NEGR1: variants seen among roughly 807,000 people sequenced by gnomAD.
NEGR1 encodes the protein IgLON family member 4.
Under a neutral mutation model 40.9 loss-of-function variants are expected in NEGR1, and 10 were observed. That is an observed-to-expected ratio of 0.24 (90% confidence interval 0.15 to 0.42). NEGR1 has a LOEUF of 0.42. Ranked by LOEUF, NEGR1 falls within the 10% of genes least tolerant of loss-of-function variation. The pLI is 1.00. For missense variants in NEGR1, 352 were observed against 438.9 expected, an observed-to-expected ratio of 0.80 and a Z score of 1.77; for synonymous variants, 185 against 166.8, an observed-to-expected ratio of 1.11 and a Z score of -0.84.
At chr1:71,781,914 C>T (rs750582092) in intron 2 of NEGR1, among the ~76,000 whole-genome samples, 38 of 152,146 alleles carry the variant, frequency 2.5e-4, no homozygotes, top group Admixed American at 5.2e-4. Context: ...CCTCTCCCAA[C>T]GGTGACTTCT....
intron 1 of NEGR1, among the ~76,000 whole-genome samples, chr1:72,026,089 C>G (rs538065831): frequency 9.1e-6 from 1 of 109,960 alleles, no homozygotes; most frequent in African/African-American, 3.6e-5. Flanking sequence ...CCAGCCTGGG[C>G]GACAGAGCGA....
chr1:71,489,765 T>C (rs1646913441), intron 6 of NEGR1: 1 of 151,876 alleles, frequency 6.6e-6, no homozygotes, highest in African/African-American at 2.4e-5. Context: ...GAGTATATCC[T>C]GGAAGTTTCC....
chr1:71,902,385 G>T (rs1661165895), intron 2 of NEGR1, among the ~76,000 whole-genome samples: 1 of 152,102 alleles, frequency 6.6e-6, no homozygotes, highest in South Asian at 2.1e-4. Context: ...CAGAAGTTGA[G>T]GAATTTTGCA....
rs759773075 is a variant in NEGR1, at chr1:71,935,084, A to G, written c.404T>C (p.Val135Ala). ...TPRTMQVHLT[V>A]QVPPKIYDIS... ...GCAGTTCTGAAAATACATACCTTGCACAGTTAGATGCACCTGCATTGTTCT... is the reference window on the plus strand; with the variant it reads ...GCAGTTCTGAAAATACATACCTTGCGCAGTTAGATGCACCTGCATTGTTCT... The change falls in exon 2 of 7, where the codon GTG becomes GCG. Residue 135 changes from valine (V) to alanine (A), a missense_variant. By Grantham distance (64) the Val-to-Ala change is moderately conservative. Coordinates refer to ENST00000357731, the MANE Select transcript of NEGR1 (RefSeq NM_173808.3). The G allele has an allele frequency of 6.3e-7, 1 of 1,590,086 alleles. No individual in the cohort carries two copies.
intron 6 of NEGR1, among the ~76,000 whole-genome samples, chr1:71,409,617 T>A (rs1646302524): frequency 6.6e-6 from 1 of 152,096 alleles, no homozygotes; most frequent in East Asian, 1.9e-4. Context: ...TTATATGTTA[T>A]GTAACTATCA....
intron 6 of NEGR1, among the ~76,000 whole-genome samples, chr1:71,530,880 T>C (rs1647336747): frequency 6.6e-6 from 1 of 151,262 alleles, no homozygotes; most frequent in Admixed American, 6.6e-5. Flanking sequence ...CTGGGTGTCA[T>C]GAGGAGGTGT....
chr1:72,148,802 A>G (rs1651009506), intron 1 of NEGR1, among the ~76,000 whole-genome samples: 1 of 152,184 alleles, frequency 6.6e-6, no homozygotes, highest in African/African-American at 2.4e-5. Context: ...CCTCAGCTCC[A>G]TCTGAGACCA....
At chr1:71,767,194 C>G (rs1656164285) in intron 3 of NEGR1, among the ~76,000 whole-genome samples, 1 of 151,968 alleles carries the variant, frequency 6.6e-6, no homozygotes, top group Non-Finnish European at 1.5e-5. Flanking sequence ...TTGGAGGGCC[C>G]AAAAGAAGAC....
At chr1:71,942,470 TATATATATATATA>T (rs1169384448) in intron 1 of NEGR1, among the ~76,000 whole-genome samples, 8 of 13,512 alleles carry the variant, frequency 5.9e-4, no homozygotes, top group African/African-American at 9.0e-4. Context: ...TATATATATA[TATATATATATATA>T]TTTTTTTTTT....
chr1:71,967,166 G>C (rs1646216537), intron 1 of NEGR1, among the ~76,000 whole-genome samples: 1 of 152,128 alleles, frequency 6.6e-6, no homozygotes, highest in South Asian at 2.1e-4. Flanking sequence ...GCAGAGAACA[G>C]GGGATTATTA....
chr1:71,485,291 A>G (rs1646880790), intron 6 of NEGR1, among the ~76,000 whole-genome samples: 1 of 151,468 alleles, frequency 6.6e-6, no homozygotes, highest in African/African-American at 2.4e-5. Flanking sequence ...TACTTTTTAG[A>G]AAAGCTTTAG....
At chr1:71,848,577 T>C (rs1659497943) in intron 2 of NEGR1, among the ~76,000 whole-genome samples, 1 of 152,116 alleles carries the variant, frequency 6.6e-6, no homozygotes, top group Non-Finnish European at 1.5e-5. Context: ...TACAGTATGG[T>C]TTACTAAATA....
intron 1 of NEGR1, among the ~76,000 whole-genome samples, chr1:71,941,280 G>T (rs1342549048): frequency 6.6e-6 from 1 of 152,102 alleles, no homozygotes; most frequent in Non-Finnish European, 1.5e-5. Context: ...GGTAAGGCAA[G>T]TGAAGCAGAG....
chr1:72,207,055 T>G (rs1313449976), intron 1 of NEGR1, among the ~76,000 whole-genome samples: 1 of 149,862 alleles, frequency 6.7e-6, no homozygotes, highest in African/African-American at 2.5e-5. Context: ...AATAAGTGTT[T>G]GAAGAACATG....
chr1:71,823,889 T>A (rs1658524354), intron 2 of NEGR1, among the ~76,000 whole-genome samples: 1 of 152,044 alleles, frequency 6.6e-6, no homozygotes, highest in East Asian at 1.9e-4. Flanking sequence ...GGTAAGTTAT[T>A]GCTGGCATTT....
chr1:71,788,830 G>A (rs920828155), intron 2 of NEGR1, among the ~76,000 whole-genome samples: 1 of 151,998 alleles, frequency 6.6e-6, no homozygotes, highest in African/African-American at 2.4e-5. Flanking sequence ...GTTAGAAAAT[G>A]TTTGTCATTT....
chr1:71,913,169 G>T (rs921099179), intron 2 of NEGR1, among the ~76,000 whole-genome samples: 1 of 152,136 alleles, frequency 6.6e-6, no homozygotes, highest in Admixed American at 6.5e-5. Flanking sequence ...AGGCTGGAGT[G>T]CAGTGGCGCG....
At chr1:71,870,027 G>A (rs759771519) in intron 2 of NEGR1, among the ~76,000 whole-genome samples, 33 of 151,718 alleles carry the variant, frequency 2.2e-4, no homozygotes, top group Non-Finnish European at 3.5e-4. Flanking sequence ...TTACAGGCGC[G>A]GGCCACCACA....
At chr1:71,942,469 ATATATATATATATATTTTTTTTTTT>A in intron 1 of NEGR1, among the ~76,000 whole-genome samples, 1 of 10,616 alleles carries the variant, frequency 9.4e-5, no homozygotes, top group Non-Finnish European at 2.2e-4. Context: ...ATATATATAT[ATATATATATATATATTTTTTTTTTT>A]TTTTTTTTTT....
Sources: gnomAD v4.1 joint callset for allele counts (sites outside exome capture counted in the v4.1 genomes callset) on GRCh38, gnomAD v4.1.1 for gene constraint, MANE v1.5 for transcripts, NCBI Gene and HGNC (gene_info 2026-07-23, HGNC 2026-07-21) for gene names.